The following CNNM1 variants were observed in gnomAD, a reference collection of about 807,000 sequenced individuals.
CNNM1 encodes metal transporter CNNM1.
In CNNM1, 44 loss-of-function variants were observed where a neutral mutation model predicts 78.8. The observed-to-expected ratio is 0.56, with a 90% confidence interval of 0.44 to 0.72. The LOEUF is 0.72. Ranked by LOEUF, CNNM1 falls within the 30% of genes least tolerant of loss-of-function variation. The pLI is 0.00. For synonymous variants in CNNM1, 584 were observed against 581.5 expected (o/e 1.00, Z -0.06); for missense variants, 1,101 against 1,292.2 (o/e 0.85, Z 2.27).
rs2032355191 is a variant in CNNM1, at chr10:99,387,932, C to T, written c.2453C>T (p.Thr818Ile). ...TDGDSTKAPTTRGTPQTPKDD... is the reference protein window; with the variant it reads ...TDGDSTKAPTIRGTPQTPKDD... The stretch of plus-strand genomic sequence containing the variant: ...GGGGACTCCACTAAGGCCCCCACAA[C>T]CCGGGGCACACCCCAGACCCCTAAG... Residue 818 changes from threonine (T) to isoleucine (I), a missense_variant, in exon 8 of 11, where the codon ACC becomes ATC. By Grantham distance (89) the Thr-to-Ile change is moderately conservative. Transcript: ENST00000356713. The T allele has an allele frequency of 5.0e-6, 8 of 1,613,340 alleles. No individual in the cohort carries two copies. The highest frequency in any genetic ancestry group is 5.9e-6 in the Non-Finnish European group (7 of 1,179,600).
chr10:99,376,775 G>C (rs2031975221), intron 6 of CNNM1, among the ~76,000 whole-genome samples: 1 of 152,194 alleles, frequency 6.6e-6, no homozygotes, highest in Non-Finnish European at 1.5e-5. Flanking sequence ...CTCACTGGGA[G>C]AGGTTGTGGG....
At position 99,362,177 on chromosome 10, in the gene CNNM1, G is replaced by A. The variant is rs768428281; in HGVS notation, c.1859-50G>A. On this transcript the variant is annotated intron_variant, in intron 3 of 10. Transcript: ENST00000356713. Reference sequence around the variant, plus strand: ...CTCCCAGCTGCCACTGCTGGAATGGGTGGGACACAGCTGATGCTGATTCCT... The same window carrying A: ...CTCCCAGCTGCCACTGCTGGAATGGATGGGACACAGCTGATGCTGATTCCT... 2.0e-6 allele frequency: 3 copies of A among 1,526,632 alleles called. No individual in the cohort carries two copies. In the African/African-American group the frequency reaches 4.1e-5, roughly 21 times the overall value. 94.6% of individuals were successfully genotyped at this position (1,526,632 alleles called of 1,614,324 possible).
intron 6 of CNNM1, among the ~76,000 whole-genome samples, chr10:99,369,299 T>C (rs1409490803): frequency 2.0e-5 from 3 of 152,214 alleles, no homozygotes; most frequent in African/African-American, 4.8e-5. Context: ...GATCAACCGT[T>C]TGTTTTCATC....
intron 7 of CNNM1, among the ~76,000 whole-genome samples, chr10:99,386,534 C>G (rs1038503602): frequency 6.6e-6 from 1 of 152,186 alleles, no homozygotes; most frequent in Non-Finnish European, 1.5e-5. Flanking sequence ...ATGTATGTGT[C>G]CCATATGCTC....
intron 9 of CNNM1, 109 bp downstream of exon 9, chr10:99,388,410 C>T (rs780267387): frequency 1.6e-5 from 20 of 1,277,828 alleles, no homozygotes; most frequent in Middle Eastern, 2.7e-4. Context: ...GCAGCCCGTG[C>T]GTTAAACCTC....
In CNNM1 at chr10:99,382,015, T is replaced by C. The variant is rs184157615; in HGVS notation, c.2340+4797T>C. On this transcript the variant is annotated intron_variant, in intron 7 of 10. Transcript: ENST00000356713. ...CTCTCCCCATCTTTCCTTCTGTTGT[T>C]ATTGTGTTTTTTAACATGAGGGTTT... 1.2e-4 allele frequency among the ~76,000 whole-genome samples: 19 copies of C among 152,288 alleles called. No individual in the cohort carries two copies. The East Asian group carries it at 3.3e-3, about 26-fold the overall frequency.
At chr10:99,341,536 G>A (rs1160680335) in intron 1 of CNNM1, among the ~76,000 whole-genome samples, 4 of 152,148 alleles carry the variant, frequency 2.6e-5, no homozygotes, top group Non-Finnish European at 4.4e-5. Context: ...AAAAGGGAAG[G>A]GAGAAATAGT....
At chr10:99,332,087 G>C (rs2029941564) in intron 1 of CNNM1, among the ~76,000 whole-genome samples, 1 of 152,134 alleles carries the variant, frequency 6.6e-6, no homozygotes, top group Non-Finnish European at 1.5e-5. Context: ...CGCCCCCCTA[G>C]TTCACCAGAT....
At chr10:99,383,693 G>T (rs940896830) in intron 7 of CNNM1, among the ~76,000 whole-genome samples, 1 of 152,186 alleles carries the variant, frequency 6.6e-6, no homozygotes, top group Non-Finnish European at 1.5e-5. Flanking sequence ...TAGACATGGC[G>T]CATTCGAGGG....
chr10:99,362,143 C>A, intron 3 of CNNM1, 84 bp from the exon 4 acceptor site: 1 of 1,347,672 alleles, frequency 7.4e-7, no homozygotes, highest in East Asian at 2.5e-5. Context: ...GTTGTGCCCA[C>A]TCTGACTCCT....
intron 1 of CNNM1, among the ~76,000 whole-genome samples, chr10:99,356,504 GAGAGAGAA>G (rs1215329866): frequency 1.1e-5 from 1 of 92,902 alleles, no homozygotes; most frequent in South Asian, 4.2e-4. Flanking sequence ...GAGAGAGAGA[GAGAGAGAA>G]AGAGAAAGAG....
At chr10:99,353,256 G>T (rs754060598) in intron 1 of CNNM1, among the ~76,000 whole-genome samples, 4 of 151,900 alleles carry the variant, frequency 2.6e-5, no homozygotes, top group Non-Finnish European at 4.4e-5. Context: ...TGAGGAAACA[G>T]AAGTAAATAG....
chr10:99,365,086 G>A (rs1313655653), intron 6 of CNNM1, 84 bp downstream of exon 6: 2 of 1,414,642 alleles, frequency 1.4e-6, no homozygotes, highest in East Asian at 2.3e-5. Context: ...CGAGCACTTT[G>A]AGCCTGGGCT....
At chr10:99,343,507 C>G (rs916128184) in intron 1 of CNNM1, among the ~76,000 whole-genome samples, 4 of 152,066 alleles carry the variant, frequency 2.6e-5, no homozygotes, top group African/African-American at 7.2e-5. Flanking sequence ...CACCAGAGAT[C>G]TAAAGACAGA....
intron 2 of CNNM1, among the ~76,000 whole-genome samples, chr10:99,358,977 A>G (rs1589901835): frequency 8.5e-6 from 1 of 117,520 alleles, no homozygotes; most frequent in South Asian, 3.1e-4. Context: ...CCAGCATGGG[A>G]GCCTGGGTGA....
intron 5 of CNNM1, 34 bp downstream of exon 5, chr10:99,364,550 A>G (rs374376930): frequency 1.3e-6 from 2 of 1,540,816 alleles, no homozygotes; most frequent in Non-Finnish European, 1.8e-6. Flanking sequence ...TTGGGAAAGT[A>G]ATGGGATATG....
Position 99,362,347 on chromosome 10 carries a change from A to G in CNNM1, c.1979A>G (p.Tyr660Cys). 1.2e-6 allele frequency: 2 copies of G among 1,613,982 alleles called. No individual in the cohort carries two copies. Among genetic ancestry groups the G allele is most frequent in the Non-Finnish European group, 1.7e-6 (2 of 1,179,872 alleles). The change falls in exon 4 of 11, where the codon TAC becomes TGC. Residue 660 changes from tyrosine (Y) to cysteine (C), a missense_variant. Tyr to Cys is a radical substitution (Grantham distance 194). This residue lies in a region of CNNM1 where 348 missense variants were observed against 384.5 expected (regional missense o/e 0.90). Transcript: ENST00000356713. ...AAGAACAAGAAGGCCCCGGAACACTACCTCTACCAGCGCAACCGCCCTGTG... is the reference window on the plus strand; with the variant it reads ...AAGAACAAGAAGGCCCCGGAACACTGCCTCTACCAGCGCAACCGCCCTGTG... The part of the protein sequence containing the change: ...DEKNKKAPEH[Y>C]LYQRNRPVDY...
Position 99,329,528 on chromosome 10 carries a change from C to T in CNNM1, c.141C>T (p.Pro47=), listed in dbSNP as rs1366875534. 2 of 1,513,144 alleles carry T rather than the reference C, an allele frequency of 1.3e-6. No individual in the cohort carries two copies. Among genetic ancestry groups the T allele is most frequent in the Non-Finnish European group, 1.8e-6 (2 of 1,138,742 alleles). The allele number at this position is 1,513,144 out of a possible 1,614,324, so 93.7% of individuals were successfully genotyped here. Residue 47 remains proline, a synonymous_variant, in exon 1 of 11, where the codon CCC becomes CCT. Transcript: ENST00000356713. The part of the protein sequence containing the change: ...AAAAWLLGLR[P]EDTAGGRVSL... Reference sequence around the variant, plus strand: ...CCGCCTGGCTGCTGGGCCTGCGGCCCGAGGACACTGCTGGAGGCCGCGTGT... The same window carrying T: ...CCGCCTGGCTGCTGGGCCTGCGGCCTGAGGACACTGCTGGAGGCCGCGTGT...
rs2032478758 is a variant in CNNM1 at position 99,391,708 on chromosome 10, G to A, written c.*192G>A. On this transcript the variant is annotated 3_prime_UTR_variant, in exon 11 of 11. Coordinates refer to ENST00000356713, the MANE Select transcript of CNNM1 (RefSeq NM_020348.3). ...TACCTCCAGTTCGACTCAGAACCTT[G>A]ACATGGCCATAACAGAAGGAGGTGC... 1.8e-6 allele frequency: 1 copy of A among 566,502 alleles called. No individual in the cohort carries two copies. Among genetic ancestry groups the A allele is most frequent in the Non-Finnish European group, 3.2e-6 (1 of 316,488 alleles). 35.1% of individuals were successfully genotyped at this position (566,502 alleles called of 1,614,324 possible).
Sources: gnomAD v4.1 joint callset for allele counts (sites outside exome capture counted in the v4.1 genomes callset) on GRCh38, gnomAD v4.1.1 for gene constraint, gnomAD v4.1.1 regional missense constraint, MANE v1.5 for transcripts, NCBI Gene and HGNC (gene_info 2026-07-23, HGNC 2026-07-21) for gene names.